Variants in GRID2 observed in about 807,000 individuals in gnomAD.
GRID2 encodes the protein glutamate ionotropic receptor delta type subunit 2.
Under a neutral mutation model 114.8 loss-of-function variants are expected in GRID2, and 33 were observed. The ratio of observed to expected loss-of-function variants is 0.29; its 90% CI spans 0.22 to 0.38. The LOEUF (loss-of-function observed/expected upper bound fraction) is 0.38. Among genes scored for constraint, GRID2 ranks in the 10% least tolerant of loss-of-function variants. The pLI, the probability that GRID2 is intolerant of heterozygous loss-of-function variation, is 1.00. For synonymous variants in GRID2, 505 were observed against 449.9 expected (o/e 1.12, Z -1.55); for missense variants, 1,184 against 1,257.7 (o/e 0.94, Z 0.89).
chr4:92,875,221 G>A (rs999509421), intron 2 of GRID2, among the ~76,000 whole-genome samples: 4 of 141,528 alleles, frequency 2.8e-5, no homozygotes, highest in Admixed American at 1.5e-4. Context: ...GGAGCGCAAT[G>A]GCGCAATCTC....
At chr4:93,565,945 G>A (rs140773032) in intron 13 of GRID2, among the ~76,000 whole-genome samples, 1 of 152,164 alleles carries the variant, frequency 6.6e-6, no homozygotes, top group African/African-American at 2.4e-5. Flanking sequence ...TGAAAACTTT[G>A]GTGGCTTAAC....
intron 2 of GRID2, among the ~76,000 whole-genome samples, chr4:92,952,800 C>T (rs947543686): frequency 5.3e-5 from 8 of 152,106 alleles, no homozygotes; most frequent in African/African-American, 1.4e-4. Context: ...TGAATGTATT[C>T]GTTTCCTACG....
At chr4:93,625,945 A>C (rs112107988) in intron 13 of GRID2, among the ~76,000 whole-genome samples, 1 of 152,254 alleles carries the variant, frequency 6.6e-6, no homozygotes, top group African/African-American at 2.4e-5. Context: ...AAACAAAAAT[A>C]AAGCGCAACA....
At chr4:93,209,282 T>C (rs1335027909) in intron 5 of GRID2, among the ~76,000 whole-genome samples, 2 of 152,024 alleles carry the variant, frequency 1.3e-5, no homozygotes, top group Admixed American at 6.6e-5. Context: ...CCGAAGTGTG[T>C]TGTTCCCCTC....
In GRID2 at chr4:92,673,180, T is replaced by TTA. The variant is rs537483206; in HGVS notation, c.244+82906_244+82907dup. On this transcript the variant is annotated intron_variant, in intron 2 of 15. Coordinates refer to ENST00000282020, the MANE Select transcript of GRID2 (RefSeq NM_001510.4). The stretch of plus-strand genomic sequence containing the variant: ...CTAGATAGATGTGTGTATCTTTATT[T>TTA]TATATATATATATTTGATGGTTACT... Among the ~76,000 whole-genome samples, 989 of 151,948 alleles carry TTA rather than the reference T, an allele frequency of 6.5e-3. 9 individuals are homozygous for TTA. The highest frequency in any genetic ancestry group is 8.2e-3 in the Non-Finnish European group (560 of 67,900).
intron 2 of GRID2, among the ~76,000 whole-genome samples, chr4:92,998,429 G>A (rs990180216): frequency 6.6e-6 from 1 of 151,836 alleles, no homozygotes; most frequent in African/African-American, 2.4e-5. Context: ...GAGTTGCTTC[G>A]AAATTTAATT....
intron 2 of GRID2, among the ~76,000 whole-genome samples, chr4:92,909,012 A>AT (rs1216107337): frequency 1.3e-5 from 2 of 152,264 alleles, no homozygotes; most frequent in Middle Eastern, 3.4e-3. Context: ...TGATTGTTCA[A>AT]TTTTCTTGAA....
intron 2 of GRID2, among the ~76,000 whole-genome samples, chr4:92,748,288 G>GA (rs111938846): frequency 2.0e-5 from 3 of 152,112 alleles, no homozygotes; most frequent in African/African-American, 7.2e-5. Flanking sequence ...ACAAATAAAT[G>GA]AAAAAACAAG....
chr4:92,682,442 T>C (rs900189415), intron 2 of GRID2, among the ~76,000 whole-genome samples: 1 of 152,172 alleles, frequency 6.6e-6, no homozygotes, highest in Non-Finnish European at 1.5e-5. Flanking sequence ...AAGCCTTTGA[T>C]GCGATTTTGA....
chr4:93,286,652 C>T (rs1255598104), intron 8 of GRID2, among the ~76,000 whole-genome samples: 2 of 150,726 alleles, frequency 1.3e-5, no homozygotes, highest in African/African-American at 4.9e-5. Flanking sequence ...ATTGTGAGCC[C>T]CTCAATGGGG....
chr4:93,277,566 A>G (rs1752187994), intron 8 of GRID2, among the ~76,000 whole-genome samples: 1 of 151,972 alleles, frequency 6.6e-6, no homozygotes, highest in African/African-American at 2.4e-5. Context: ...GTTAATTTTA[A>G]TATACAGTGA....
chr4:93,213,528 T>C (rs1057331116), intron 5 of GRID2, among the ~76,000 whole-genome samples: 2 of 152,194 alleles, frequency 1.3e-5, no homozygotes, highest in African/African-American at 4.8e-5. Flanking sequence ...CAACATTTAT[T>C]GAATACCTAC....
chr4:92,452,203 T>A, intron 1 of GRID2, among the ~76,000 whole-genome samples: 1 of 152,296 alleles, frequency 6.6e-6, no homozygotes, highest in South Asian at 2.1e-4. Context: ...AAAAATAATA[T>A]TATGCCACAT....
intron 1 of GRID2, among the ~76,000 whole-genome samples, chr4:92,583,860 C>T (rs62310107): frequency 0.38 from 56,621 of 148,910 alleles, 10,772 homozygotes; most frequent in Middle Eastern, 0.48. Context: ...ACATGTATTA[C>T]ATAAATATAT....
intron 4 of GRID2, among the ~76,000 whole-genome samples, chr4:93,149,520 G>A (rs939550831): frequency 6.6e-6 from 1 of 150,556 alleles, no homozygotes; most frequent in Non-Finnish European, 1.5e-5. Flanking sequence ...AGATTGCAGT[G>A]AGCCAAGATC....
chr4:92,323,252 G>A lies in GRID2; in HGVS notation c.88+18508G>A, dbSNP rs115950617. 5.7e-3 allele frequency among the ~76,000 whole-genome samples: 860 copies of A among 152,128 alleles called. 9 individuals are homozygous for A. The highest frequency in any genetic ancestry group is 0.02 in the African/African-American group (819 of 41,524). On this transcript the variant is annotated intron_variant, in intron 1 of 15. Transcript: ENST00000282020. ...AAGTAACAATGACTTCAAATAAGAT[G>A]TTAGCCTTAACGGTTAAGGTTTCAT...
At chr4:93,227,559 C>A (rs897153216) in intron 7 of GRID2, among the ~76,000 whole-genome samples, 4 of 152,106 alleles carry the variant, frequency 2.6e-5, no homozygotes, top group Non-Finnish European at 4.4e-5. Flanking sequence ...TACATAGCCA[C>A]CCTGTAAGTT....
chr4:92,820,971 T>A (rs1167336800), intron 2 of GRID2, among the ~76,000 whole-genome samples: 1 of 152,220 alleles, frequency 6.6e-6, no homozygotes, highest in South Asian at 2.1e-4. Flanking sequence ...CTAATATATA[T>A]ACTTAAGATA....
At chr4:92,660,339 CTT>C (rs1732457941) in intron 2 of GRID2, among the ~76,000 whole-genome samples, 1 of 151,248 alleles carries the variant, frequency 6.6e-6, no homozygotes, top group African/African-American at 2.4e-5. Context: ...ACTTATGAGT[CTT>C]TTAGCTGGGT....
Sources: gnomAD v4.1 joint callset for allele counts (sites outside exome capture counted in the v4.1 genomes callset) on GRCh38, gnomAD v4.1.1 for gene constraint, MANE v1.5 for transcripts, NCBI Gene and HGNC (gene_info 2026-07-23, HGNC 2026-07-21) for gene names.